COP1: variants seen among roughly 807,000 people sequenced by gnomAD.
The protein encoded by COP1 is E3 ubiquitin-protein ligase COP1.
Under a neutral mutation model 101.3 loss-of-function variants are expected in COP1, and 24 were observed. The observed-to-expected ratio is 0.24, with a 90% CI of 0.17 to 0.33. The LOEUF is 0.33. COP1 is among the 10% of genes least tolerant of loss of function. COP1 has a pLI of 1.00. For missense variants in COP1, 663 were observed against 906.2 expected (o/e 0.73, Z 3.45); for synonymous variants, 347 against 341.9 (o/e 1.01, Z -0.17).
intron 12 of COP1, 56 bp downstream of exon 12, chr1:176,046,125 A>T (rs1336512227): frequency 7.3e-7 from 1 of 1,369,736 alleles, no homozygotes; most frequent in African/African-American, 1.5e-5. Context: ...CATGATAATT[A>T]CATATGCAAA....
intron 18 of COP1, chr1:175,982,353 A>C (rs770783902): frequency 8.8e-6 from 4 of 456,546 alleles, no homozygotes; most frequent in South Asian, 4.6e-5. Flanking sequence ...ACAGGTTTGA[A>C]CTGTGAGGAA....
At chr1:176,105,092 G>A (rs1445782998) in intron 9 of COP1, among the ~76,000 whole-genome samples, 1 of 152,150 alleles carries the variant, frequency 6.6e-6, no homozygotes, top group East Asian at 1.9e-4. Flanking sequence ...ATGTGCATAT[G>A]TATCTGTAAA....
chr1:176,207,097 G>A lies in COP1; in HGVS notation c.-119C>T. 1 of 791,482 alleles carries A rather than the reference G, an allele frequency of 1.3e-6. No homozygotes were observed. The highest frequency in any genetic ancestry group is 1.8e-6 in the Non-Finnish European group (1 of 561,462). The allele number at this position is 791,482 out of a possible 1,614,324, so 49.0% of individuals were successfully genotyped here. A position where few individuals can be genotyped will look rare whatever the true frequency, so the allele number is the denominator to read the frequency against. On this transcript the variant is annotated 5_prime_UTR_variant, in exon 1 of 20. Coordinates refer to ENST00000367669, the MANE Select transcript of COP1 (RefSeq NM_022457.7). ...TGAGGACGCCCGCCGAGCCGGAGGTGGGGCTGAGGAACAATAAAGTTGCGT... is the reference window on the plus strand; with the variant it reads ...TGAGGACGCCCGCCGAGCCGGAGGTAGGGCTGAGGAACAATAAAGTTGCGT...
chr1:176,075,637 C>A (rs1193985319), intron 11 of COP1, among the ~76,000 whole-genome samples: 3 of 151,998 alleles, frequency 2.0e-5, no homozygotes, highest in Non-Finnish European at 4.4e-5. Context: ...ATATACACAC[C>A]CAACACTGGA....
At chr1:176,086,524 C>A (rs922939519) in intron 9 of COP1, among the ~76,000 whole-genome samples, 34 of 152,158 alleles carry the variant, frequency 2.2e-4, no homozygotes, top group African/African-American at 6.7e-4. Context: ...CTGCGCCTGG[C>A]CTGATTTTGG....
intron 14 of COP1, among the ~76,000 whole-genome samples, chr1:176,028,526 C>CA (rs1668077062): frequency 1.5e-5 from 2 of 132,980 alleles, no homozygotes; most frequent in East Asian, 4.4e-4. Context: ...GATCATGCCA[C>CA]CAAAAAAAAA....
chr1:175,994,350 A>C (rs1489151953), intron 15 of COP1, among the ~76,000 whole-genome samples: 4 of 152,198 alleles, frequency 2.6e-5, no homozygotes, highest in East Asian at 1.9e-4. Context: ...CGAGCAAAAT[A>C]ACCAGTTAAC....
chr1:175,949,465 C>T (rs568438843), intron 18 of COP1, among the ~76,000 whole-genome samples: 49 of 152,254 alleles, frequency 3.2e-4, no homozygotes, highest in Admixed American at 6.5e-4. Context: ...CAGAAAACAG[C>T]AGAAAGAGGC....
chr1:176,190,798 T>C (rs931295675), intron 1 of COP1, among the ~76,000 whole-genome samples: 1 of 152,034 alleles, frequency 6.6e-6, no homozygotes, highest in Non-Finnish European at 1.5e-5. Context: ...TGTACATAGT[T>C]CAATACATGC....
intron 6 of COP1, among the ~76,000 whole-genome samples, chr1:176,138,370 A>T (rs1251226918): frequency 1.3e-5 from 2 of 152,152 alleles, no homozygotes; most frequent in African/African-American, 4.8e-5. Context: ...GCAGCCAGAA[A>T]ACCAGGGGAA....
At chr1:176,070,334 CTTT>C (rs558421046) in intron 11 of COP1, among the ~76,000 whole-genome samples, 3 of 138,700 alleles carry the variant, frequency 2.2e-5, no homozygotes, top group Admixed American at 7.2e-5. Flanking sequence ...CTTGTGCTGC[CTTT>C]TTTTTTTTTT....
chr1:176,002,885 C>T (rs1365097773), intron 15 of COP1, among the ~76,000 whole-genome samples: 2 of 151,412 alleles, frequency 1.3e-5, no homozygotes, highest in Non-Finnish European at 3.0e-5. Flanking sequence ...AATGGGATGG[C>T]TGGGTCAAAT....
intron 8 of COP1, among the ~76,000 whole-genome samples, chr1:176,119,365 T>G (rs1686725194): frequency 6.6e-6 from 1 of 152,194 alleles, no homozygotes; most frequent in Non-Finnish European, 1.5e-5. Flanking sequence ...CAGAATTCTG[T>G]GACTGTAAGC....
chr1:176,062,211 C>G (rs1674988440), intron 11 of COP1, among the ~76,000 whole-genome samples: 1 of 152,026 alleles, frequency 6.6e-6, no homozygotes, highest in African/African-American at 2.4e-5. Context: ...ACCATGTTAG[C>G]CAGGATGGTC....
At chr1:175,948,991 T>C (rs557277250) in intron 18 of COP1, among the ~76,000 whole-genome samples, 1 of 151,746 alleles carries the variant, frequency 6.6e-6, no homozygotes, top group East Asian at 1.9e-4. Flanking sequence ...GGTGTAATCC[T>C]GTCTCTACTA....
intron 12 of COP1, among the ~76,000 whole-genome samples, chr1:176,045,488 G>A (rs75293565): frequency 0.012 from 1,724 of 149,656 alleles, 40 homozygotes; most frequent in African/African-American, 0.04. Context: ...AATGTTCAAA[G>A]TTCTATACAA....
intron 15 of COP1, among the ~76,000 whole-genome samples, chr1:175,992,964 C>A (rs960120604): frequency 1.3e-5 from 2 of 152,130 alleles, no homozygotes; most frequent in East Asian, 1.9e-4. Flanking sequence ...GACCCCTGAC[C>A]CCCAAGCAGC....
At chr1:175,982,367 C>T (rs1370181218) in intron 18 of COP1, 1 of 456,438 alleles carries the variant, frequency 2.2e-6, no homozygotes, top group African/African-American at 2.0e-5. Flanking sequence ...TGAGGAACCA[C>T]TTATATGCAA....
intron 18 of COP1, among the ~76,000 whole-genome samples, chr1:175,965,585 T>TTTTG (rs5778882): frequency 0.93 from 139,293 of 149,358 alleles, 65,486 homozygotes; most frequent in East Asian, 1. Flanking sequence ...TTTGTTTTGT[T>TTTTG]TTTGTTTGTT....
Sources: gnomAD v4.1 joint callset for allele counts (sites outside exome capture counted in the v4.1 genomes callset) on GRCh38, gnomAD v4.1.1 for gene constraint, MANE v1.5 for transcripts, NCBI Gene and HGNC (gene_info 2026-07-23, HGNC 2026-07-21) for gene names.